TSC1: variants seen among roughly 807,000 people sequenced by gnomAD.
TSC1 encodes TSC complex subunit 1.
TSC1 carries 20 observed loss-of-function variants against 124.3 expected under a neutral mutation model. The ratio of observed to expected loss-of-function variants is 0.16; its 90% CI spans 0.11 to 0.23. The LOEUF (loss-of-function observed/expected upper bound fraction) is 0.23, where lower values mean the gene tolerates loss of function less well. Ranked by LOEUF, TSC1 falls within the 10% of genes least tolerant of loss-of-function variation. The pLI, the probability that TSC1 is intolerant of heterozygous loss-of-function variation, is 1.00. For synonymous variants in TSC1, 493 were observed against 539.1 expected, an observed-to-expected ratio of 0.91 and a Z score of 1.19; for missense variants, 1,124 against 1,448.5, an observed-to-expected ratio of 0.78 and a Z score of 3.64.
chr9:132,939,471 G>A (rs1321545926), intron 1 of TSC1, among the ~76,000 whole-genome samples: 1 of 152,138 alleles, frequency 6.6e-6, no homozygotes, highest in African/African-American at 2.4e-5. Context: ...TGCCATCAGG[G>A]GCCTTGATGG....
In TSC1 at chr9:132,896,416, T is replaced by C; in HGVS notation, c.3314A>G (p.Asp1105Gly). The stretch of plus-strand genomic sequence containing the variant: ...AAGGCTACTGGTCATGCCGTCCTCA[T>C]CACACTGGCTCTCGCTCTTATTACG... The part of the protein sequence containing the change: ...LFRNKSESQC[D>G]EDGMTSSLSE... Residue 1105 changes from aspartate (D) to glycine (G), a missense_variant, in exon 23 of 23, where the codon GAT (aspartate) becomes GGT (glycine). This residue lies in a region of TSC1 where 325 missense variants were observed against 383.4 expected (regional missense o/e 0.85). Transcript: ENST00000298552. This position sits in a 1 kb window ranked among gnomAD's most constrained non-coding sequence, Gnocchi z 4.5. 6.2e-7 allele frequency: 1 copy of C among 1,614,210 alleles called. No homozygotes were observed. Among genetic ancestry groups the C allele is most frequent in the Non-Finnish European group, 8.5e-7 (1 of 1,180,028 alleles).
chr9:132,934,454 A>G (rs1847356800), intron 2 of TSC1: 1 of 152,272 alleles, frequency 6.6e-6, no homozygotes, highest in Non-Finnish European at 1.5e-5. Flanking sequence ...TAAGATGCAA[A>G]TGCTCACTCA....
intron 19 of TSC1, 65 bp from the exon 20 acceptor site, chr9:132,900,902 A>C: frequency 1.2e-6 from 2 of 1,610,384 alleles, no homozygotes; most frequent in Non-Finnish European, 1.7e-6. Flanking sequence ...AGACGTCATT[A>C]AACAGGGAAT....
At chr9:132,911,353 A>G (rs1371182383) in intron 10 of TSC1, 100 bp downstream of exon 10, 1 of 936,734 alleles carries the variant, frequency 1.1e-6, no homozygotes, top group African/African-American at 1.6e-5. Flanking sequence ...TCCTGAAATG[A>G]GCAGTGTGAA....
intron 20 of TSC1, chr9:132,900,499 T>G: frequency 1.6e-6 from 1 of 628,462 alleles, no homozygotes; most frequent in Non-Finnish European, 2.8e-6. Flanking sequence ...ATTAGGTGCT[T>G]TCAGTGTGAG....
chr9:132,900,582 C>CG, intron 20 of TSC1, 133 bp downstream of exon 20: 1 of 1,460,198 alleles, frequency 6.8e-7, no homozygotes, highest in Non-Finnish European at 9.5e-7. Flanking sequence ...AGCTGGACCA[C>CG]GGAGTAGTGG....
chr9:132,900,762 C>G lies in TSC1; in HGVS notation c.2578G>C (p.Glu860Gln), dbSNP rs1169898186. The change falls in exon 20 of 23, where the codon GAG (glutamate) becomes CAG (glutamine). Residue 860 changes from glutamate (E) to glutamine (Q), a missense_variant. Glu to Gln is a conservative substitution (Grantham distance 29). Transcript: ENST00000298552. ...TTCTGCAGTTGTTCCAAATAGAGCT[C>G]GTTGACCTCCCCAAGAACCAACAGC... ...RQLLVLGEVN[E>Q]LYLEQLQNKH... is the part of the protein sequence containing the mutation. The G allele has an allele frequency of 6.2e-7, 1 of 1,614,052 alleles. No individual in the cohort carries two copies. The highest frequency in any genetic ancestry group is 1.3e-5 in the African/African-American group (1 of 74,916).
chr9:132,928,842 G>A lies in TSC1; in HGVS notation c.31C>T (p.Leu11Phe). The change falls in exon 3 of 23, where the codon CTT becomes TTT. Residue 11 changes from leucine (L) to phenylalanine (F), a missense_variant. Leu to Phe is a conservative substitution (Grantham distance 22). Transcript: ENST00000298552. Reference protein sequence around the residue: MAQQANVGELLAMLDSPMLGV... With the variant: MAQQANVGELFAMLDSPMLGV... The stretch of plus-strand genomic sequence containing the variant: ...AGCATGGGGGAGTCCAGCATGGCAA[G>A]AAGCTCCCCGACATTTGCTTGTTGG... 4 of 1,614,204 alleles carry A rather than the reference G, an allele frequency of 2.5e-6. No individual in the cohort carries two copies. Among genetic ancestry groups the A allele is most frequent in the Non-Finnish European group, 3.4e-6 (4 of 1,180,030 alleles).
At chr9:132,912,004 G>A (rs911844465) in intron 9 of TSC1, among the ~76,000 whole-genome samples, 1 of 152,200 alleles carries the variant, frequency 6.6e-6, no homozygotes, top group African/African-American at 2.4e-5. Context: ...GTAGAGTCTG[G>A]AAGTCAAATA....
At chr9:132,898,537 G>T (rs986487945) in intron 20 of TSC1, among the ~76,000 whole-genome samples, 6 of 152,222 alleles carry the variant, frequency 3.9e-5, no homozygotes, top group Non-Finnish European at 8.8e-5. Context: ...GAACGCAACT[G>T]ATTGAAACTC....
At chr9:132,915,504 A>G (rs1846229173) in intron 8 of TSC1, among the ~76,000 whole-genome samples, 1 of 152,226 alleles carries the variant, frequency 6.6e-6, no homozygotes, top group Admixed American at 6.5e-5. Context: ...GTATTTACCA[A>G]ACATTCTATA....
At chr9:132,929,668 C>T (rs745388415) in intron 2 of TSC1, among the ~76,000 whole-genome samples, 11 of 152,218 alleles carry the variant, frequency 7.2e-5, no homozygotes, top group Non-Finnish European at 1.2e-4. Context: ...TACGATTTCT[C>T]CCCCACTTTG....
chr9:132,922,309 T>C (rs1408174645), intron 6 of TSC1, among the ~76,000 whole-genome samples: 1 of 152,226 alleles, frequency 6.6e-6, no homozygotes, highest in Non-Finnish European at 1.5e-5. Flanking sequence ...ACTATCTTTA[T>C]GATGATAGCT....
intron 1 of TSC1, among the ~76,000 whole-genome samples, chr9:132,937,614 C>T (rs7874234): frequency 0.24 from 36,683 of 152,088 alleles, 4,659 homozygotes; most frequent in African/African-American, 0.31. Flanking sequence ...AGGATCTACG[C>T]TAGATGAGAT....
rs915681666 is a variant in TSC1 at position 132,894,193 on chromosome 9, C to T, written c.*2042G>A. 3 of 233,148 alleles carry T rather than the reference C, an allele frequency of 1.3e-5. No individual in the cohort carries two copies. Among genetic ancestry groups the T allele is most frequent in the Non-Finnish European group, 2.5e-5 (3 of 117,880 alleles). 14.4% of individuals were successfully genotyped at this position (233,148 alleles called of 1,614,324 possible). On this transcript the variant is annotated 3_prime_UTR_variant, in exon 23 of 23. Coordinates refer to ENST00000298552, the MANE Select transcript of TSC1 (RefSeq NM_000368.5). Reference sequence around the variant, plus strand: ...CTCTCCATGCTGCCTCCTTTCTTCCCTTTATTTTTATAAGCTGTCCGTTTC... The same window carrying T: ...CTCTCCATGCTGCCTCCTTTCTTCCTTTTATTTTTATAAGCTGTCCGTTTC...
chr9:132,897,585 T>C lies in TSC1; in HGVS notation c.2651A>G (p.Tyr884Cys), dbSNP rs1449821288. 2.6e-6 allele frequency: 4 copies of C among 1,538,088 alleles called. No homozygotes were observed. The highest frequency in any genetic ancestry group is 2.4e-5 in the South Asian group (2 of 83,680). ...TCTGTTTTTTTCTAGCTCTTTCCGA[T>C]AGGCGGCTTTCATCATTTCTACTTC... ...TKEVEMMKAA[Y>C]RKELEKNRSH... The change falls in exon 21 of 23, where the codon TAT becomes TGT. Residue 884 changes from tyrosine (Y) to cysteine (C), a missense_variant. By Grantham distance (194) the Tyr-to-Cys change is radical (BLOSUM62 -2). This residue lies in a region of TSC1 where 325 missense variants were observed against 383.4 expected (regional missense o/e 0.85). Transcript: ENST00000298552.
At chr9:132,905,482 T>C in intron 15 of TSC1, 99 bp downstream of exon 15, 2 of 1,542,096 alleles carry the variant, frequency 1.3e-6, no homozygotes, top group Non-Finnish European at 1.8e-6. Flanking sequence ...TGCCTCAAGG[T>C]GGGAGTGTGA....
In TSC1 at chr9:132,901,794, C is replaced by T. The variant is rs949375816; in HGVS notation, c.2392-95G>A. The T allele has an allele frequency of 6.7e-6, 7 of 1,041,832 alleles. No homozygotes were observed. In the Admixed American group the frequency reaches 9.5e-5, roughly 14 times the overall value. The allele number at this position is 1,041,832 out of a possible 1,614,324, so 64.5% of individuals were successfully genotyped here. A position where few individuals can be genotyped will look rare whatever the true frequency, so the allele number is the denominator to read the frequency against. On this transcript the variant is annotated intron_variant, in intron 18 of 22. Transcript: ENST00000298552. ...CCAGCCCACAGAGGACTGGGAATGCCTTAGCTCAACGGCTCTACTTTCTTG... is the reference window on the plus strand; with the variant it reads ...CCAGCCCACAGAGGACTGGGAATGCTTTAGCTCAACGGCTCTACTTTCTTG...
In TSC1 at chr9:132,892,871, T is replaced by A. The variant is rs1006675252; in HGVS notation, c.*3364A>T. 10 of 233,042 alleles carry A rather than the reference T, an allele frequency of 4.3e-5. No individual in the cohort carries two copies. The highest frequency in any genetic ancestry group is 2.2e-4 in the African/African-American group (10 of 45,298). 14.4% of individuals were successfully genotyped at this position (233,042 alleles called of 1,614,324 possible). ...TTCATCCCCATGACCATTTTATACA[T>A]CCTCCCCTCAACAACTGCTAGAGTT... On this transcript the variant is annotated 3_prime_UTR_variant, in exon 23 of 23. Transcript: ENST00000298552.
Sources: allele counts gnomAD v4.1 joint callset (sites outside exome capture counted in the v4.1 genomes callset), GRCh38; gene constraint gnomAD v4.1.1; regional missense constraint gnomAD v4.1.1; non-coding constraint Gnocchi (gnomAD v3.1); transcripts MANE v1.5; gene names NCBI Gene and HGNC (gene_info 2026-07-23, HGNC 2026-07-21).